Variants in DCLK1 observed in about 807,000 individuals in gnomAD.
DCLK1 encodes doublecortin like kinase 1.
A neutral mutation model predicts 86.2 loss-of-function variants in DCLK1; 16 were observed. The observed-to-expected ratio is 0.19, with a 90% CI of 0.13 to 0.28. The LOEUF (loss-of-function observed/expected upper bound fraction) is 0.28. DCLK1 is among the 10% of genes least tolerant of loss of function. DCLK1 has a pLI of 1.00. For missense variants in DCLK1, 590 were observed against 940.2 expected (o/e 0.63, Z 4.87); for synonymous variants, 369 against 370.5 (o/e 1.00, Z 0.05).
intron 8 of DCLK1, among the ~76,000 whole-genome samples, chr13:35,830,545 T>A (rs969535359): frequency 1.3e-5 from 2 of 152,146 alleles, no homozygotes; most frequent in Non-Finnish European, 2.9e-5. Context: ...AACTTGAAAA[T>A]ACTTAATCGA....
intron 8 of DCLK1, among the ~76,000 whole-genome samples, chr13:35,835,453 T>C (rs1216249228): frequency 6.6e-6 from 1 of 152,212 alleles, no homozygotes; most frequent in Admixed American, 6.5e-5. Flanking sequence ...CTTTATCAGT[T>C]GTCACTTTTC....
At chr13:35,860,834 C>T (rs553023523) in intron 5 of DCLK1, among the ~76,000 whole-genome samples, 7 of 152,192 alleles carry the variant, frequency 4.6e-5, no homozygotes, top group South Asian at 2.1e-4. Flanking sequence ...CGAGGTGATC[C>T]GGGAAAGTGG....
chr13:35,828,148 A>G, intron 9 of DCLK1, 102 bp downstream of exon 9: 1 of 966,740 alleles, frequency 1.0e-6, no homozygotes, highest in Non-Finnish European at 1.6e-6. Flanking sequence ...TTCCACCAAA[A>G]TTCAACCCTT....
chr13:35,825,197 G>A lies in DCLK1; in HGVS notation c.1408-2322C>T, dbSNP rs1380802016. 4.6e-5 allele frequency among the ~76,000 whole-genome samples: 7 copies of A among 152,172 alleles called. No individual in the cohort carries two copies. In the East Asian group the frequency reaches 1.3e-3, roughly 29 times the overall value. On this transcript the variant is annotated intron_variant, in intron 10 of 16. Transcript: ENST00000360631. ...TTTGGGACATCCCTGGGCCCTGAGG[G>A]TTTGAGAAGCATACCCCACCCACAT...
intron 3 of DCLK1, among the ~76,000 whole-genome samples, chr13:36,021,439 T>C (rs1881776396): frequency 2.6e-5 from 4 of 151,912 alleles, no homozygotes; most frequent in African/African-American, 9.7e-5. Context: ...AGCACTCCAA[T>C]TGCAAGCAGA....
chr13:35,788,290 G>A, intron 16 of DCLK1: 1 of 1,613,858 alleles, frequency 6.2e-7, no homozygotes, highest in Non-Finnish European at 8.5e-7. Context: ...GTCCAGCTGA[G>A]CAGAGAGAAA....
In DCLK1 at chr13:36,126,121, T is replaced by C; in HGVS notation, c.17A>G (p.Asp6Gly). ...CTCGTCGAAGTGCTCCAGCTCCATG[T>C]CTCTGCCGAAGGACATGATGGACTT... is the stretch of plus-strand genomic sequence containing the variant. The part of the protein sequence containing the change: MSFGR[D>G]MELEHFDERD... The change falls in exon 2 of 17, where the codon GAC becomes GGC. Residue 6 changes from aspartate to glycine, a missense_variant. By Grantham distance (94) the Asp-to-Gly change is moderately conservative. Transcript: ENST00000360631. The C allele has an allele frequency of 6.3e-7, 1 of 1,596,530 alleles. No homozygotes were observed.
chr13:36,056,633 A>AAAG (rs1555359494), intron 3 of DCLK1, among the ~76,000 whole-genome samples: 2 of 145,240 alleles, frequency 1.4e-5, no homozygotes, highest in Non-Finnish European at 3.0e-5. Flanking sequence ...AAAAAAAAAA[A>AAAG]AAAGAAAGAA....
chr13:35,993,384 C>T (rs918836631), intron 3 of DCLK1, among the ~76,000 whole-genome samples: 1 of 152,156 alleles, frequency 6.6e-6, no homozygotes, highest in Non-Finnish European at 1.5e-5. Flanking sequence ...TCCAGGTAGA[C>T]CTTAAACTCA....
chr13:35,991,597 G>C (rs367730902), intron 3 of DCLK1, among the ~76,000 whole-genome samples: 1 of 152,162 alleles, frequency 6.6e-6, no homozygotes, highest in Non-Finnish European at 1.5e-5. Context: ...CTAAGAGGTC[G>C]AGGCTGCAGT....
intron 4 of DCLK1, among the ~76,000 whole-genome samples, chr13:35,908,777 T>A (rs1874825957): frequency 1.3e-5 from 2 of 152,008 alleles, no homozygotes; most frequent in Admixed American, 6.5e-5. Context: ...CTGGAACTAC[T>A]GGCGCCCACC....
chr13:35,908,440 T>C (rs967834113), intron 4 of DCLK1, among the ~76,000 whole-genome samples: 1 of 152,246 alleles, frequency 6.6e-6, no homozygotes, highest in East Asian at 1.9e-4. Context: ...TAGTTGATGA[T>C]AGAGGCTCCT....
chr13:36,014,437 A>C (rs939359734), intron 3 of DCLK1, among the ~76,000 whole-genome samples: 6 of 151,986 alleles, frequency 3.9e-5, no homozygotes, highest in Non-Finnish European at 7.4e-5. Context: ...GCCGATAAAA[A>C]CTGTTTTTTT....
intron 15 of DCLK1, 23 bp from the exon 16 acceptor site, chr13:35,793,502 A>G (rs781374868): frequency 1.9e-5 from 30 of 1,557,318 alleles, no homozygotes; most frequent in Admixed American, 7.5e-5. Flanking sequence ...AAATAAAGAG[A>G]AGAGAAAAAG....
chr13:35,929,663 C>T (rs1474788672), intron 4 of DCLK1, among the ~76,000 whole-genome samples: 1 of 152,210 alleles, frequency 6.6e-6, no homozygotes, highest in Non-Finnish European at 1.5e-5. Flanking sequence ...TCTTCTTGTC[C>T]ATTTGCTGGC....
At chr13:35,826,552 A>AAGGAAGGAGGGAGGG (rs1868474558) in intron 10 of DCLK1, among the ~76,000 whole-genome samples, 2 of 101,594 alleles carry the variant, frequency 2.0e-5, no homozygotes, top group Non-Finnish European at 2.3e-5. Context: ...AGAAAGAAAG[A>AAGGAAGGAGGGAGGG]AAGAAAGAAA....
At chr13:35,958,819 G>C (rs985103438) in intron 3 of DCLK1, among the ~76,000 whole-genome samples, 5 of 152,178 alleles carry the variant, frequency 3.3e-5, no homozygotes, top group Non-Finnish European at 7.4e-5. Flanking sequence ...CATTTACATG[G>C]CTTCCAAAAT....
chr13:35,854,659 C>A, intron 5 of DCLK1, 66 bp from the exon 6 acceptor site: 1 of 1,390,780 alleles, frequency 7.2e-7, no homozygotes, highest in East Asian at 2.4e-5. Context: ...GACAAATCAT[C>A]TTCTGCAAGA....
chr13:35,847,475 C>G (rs1297554188), intron 6 of DCLK1: 2 of 984,928 alleles, frequency 2.0e-6, no homozygotes, highest in Non-Finnish European at 2.4e-6. Flanking sequence ...CATAAACACC[C>G]AAACACCTGT....
Sources: gnomAD v4.1 joint callset for allele counts (sites outside exome capture counted in the v4.1 genomes callset) on GRCh38, gnomAD v4.1.1 for gene constraint, MANE v1.5 for transcripts, NCBI Gene and HGNC (gene_info 2026-07-23, HGNC 2026-07-21) for gene names.